The following CBLB variants were observed in gnomAD, a reference collection of about 807,000 sequenced individuals.
CBLB encodes E3 ubiquitin-protein ligase CBL-B.
CBLB carries 31 observed loss-of-function variants against 104.9 expected under a neutral mutation model. The observed-to-expected ratio is 0.30, with a 90% CI of 0.22 to 0.40. CBLB has a LOEUF of 0.40. Ranked by LOEUF, CBLB falls within the 10% of genes least tolerant of loss-of-function variation. The pLI, the probability that CBLB is intolerant of heterozygous loss-of-function variation, is 1.00. For synonymous variants in CBLB, 440 were observed against 422.6 expected (o/e 1.04, Z -0.51); for missense variants, 1,062 against 1,214.6 (o/e 0.87, Z 1.87).
At chr3:105,745,482 T>C (rs1229840893) in intron 6 of CBLB, among the ~76,000 whole-genome samples, 1 of 152,232 alleles carries the variant, frequency 6.6e-6, no homozygotes, top group African/African-American at 2.4e-5. Context: ...TGTACATACA[T>C]GTATTTGTTC....
intron 3 of CBLB, among the ~76,000 whole-genome samples, chr3:105,788,819 TA>T (rs533108949): frequency 8.7e-4 from 133 of 152,340 alleles, no homozygotes; most frequent in African/African-American, 3.0e-3. Context: ...GAAATGACGC[TA>T]CATAAATTTT....
intron 17 of CBLB, chr3:105,670,708 AAAAC>A (rs1311919429): frequency 2.5e-5 from 6 of 236,974 alleles, no homozygotes; most frequent in South Asian, 1.1e-4. Flanking sequence ...GTAAAAGCAA[AAAAC>A]AAACAAACAA....
chr3:105,807,032 T>G (rs2083597168), intron 3 of CBLB, among the ~76,000 whole-genome samples: 1 of 152,184 alleles, frequency 6.6e-6, no homozygotes, highest in South Asian at 2.1e-4. Flanking sequence ...TATCTAACTA[T>G]AGCAATAAGT....
chr3:105,841,020 A>G (rs1265172103), intron 3 of CBLB, among the ~76,000 whole-genome samples: 1 of 152,174 alleles, frequency 6.6e-6, no homozygotes, highest in South Asian at 2.1e-4. Context: ...TAGGCCAAGC[A>G]CAGTGGCTCA....
chr3:105,770,396 C>A (rs527928806), intron 4 of CBLB, among the ~76,000 whole-genome samples: 21 of 152,240 alleles, frequency 1.4e-4, no homozygotes, highest in African/African-American at 5.1e-4. Flanking sequence ...ATAGCTGGAA[C>A]AGATTTAGGG....
intron 3 of CBLB, among the ~76,000 whole-genome samples, chr3:105,852,104 T>C (rs1039382928): frequency 5.3e-5 from 8 of 152,318 alleles, no homozygotes; most frequent in African/African-American, 1.9e-4. Context: ...TTTTATAGGG[T>C]ATTCCTTCTA....
chr3:105,829,873 A>T (rs745590233), intron 3 of CBLB, among the ~76,000 whole-genome samples: 12 of 152,140 alleles, frequency 7.9e-5, no homozygotes, highest in Middle Eastern at 3.2e-3. Context: ...AGTGTAAATC[A>T]TCTATTACAT....
intron 17 of CBLB, among the ~76,000 whole-genome samples, chr3:105,677,039 G>C (rs1318495168): frequency 1.3e-5 from 2 of 152,078 alleles, no homozygotes; most frequent in African/African-American, 2.4e-5. Context: ...CCTAGTCTTG[G>C]GTAGTGCTTT....
chr3:105,851,280 G>C (rs1279444874), intron 3 of CBLB, among the ~76,000 whole-genome samples: 1 of 152,146 alleles, frequency 6.6e-6, no homozygotes, highest in Non-Finnish European at 1.5e-5. Context: ...AAGCCAATCT[G>C]AAAAAGTTAC....
intron 5 of CBLB, among the ~76,000 whole-genome samples, chr3:105,751,035 T>C (rs1441968230): frequency 6.6e-6 from 1 of 152,238 alleles, no homozygotes; most frequent in Non-Finnish European, 1.5e-5. Context: ...TTTCTAAGTT[T>C]ACTATTTCCC....
chr3:105,784,332 G>A (rs999432025), intron 3 of CBLB, among the ~76,000 whole-genome samples: 1 of 152,110 alleles, frequency 6.6e-6, no homozygotes, highest in African/African-American at 2.4e-5. Context: ...ATTGCTATGA[G>A]ATTCATACAG....
chr3:105,858,950 AATACATAAATATGTATTTAG>A (rs1336359244), intron 2 of CBLB, among the ~76,000 whole-genome samples: 1 of 152,184 alleles, frequency 6.6e-6, no homozygotes, highest in Admixed American at 6.5e-5. Context: ...TATGCATTCC[AATACATAAATATGTATTTAG>A]ATACATATAT....
chr3:105,710,036 T>C (rs1021532098), intron 10 of CBLB, among the ~76,000 whole-genome samples: 39 of 152,100 alleles, frequency 2.6e-4, no homozygotes, highest in African/African-American at 7.2e-4. Flanking sequence ...TTTGGGTCAC[T>C]AGCTTTTTAC....
chr3:105,828,975 T>C (rs2087004296), intron 3 of CBLB, among the ~76,000 whole-genome samples: 1 of 152,106 alleles, frequency 6.6e-6, no homozygotes, highest in South Asian at 2.1e-4. Flanking sequence ...CTATACCACA[T>C]TTCTAGACCA....
rs530460185 is a variant in CBLB at position 105,834,682 on chromosome 3, A to G, written c.419+18732T>C. On this transcript the variant is annotated intron_variant, in intron 3 of 18. Coordinates refer to ENST00000394030, the MANE Select transcript of CBLB (RefSeq NM_170662.5). Reference sequence around the variant, plus strand: ...AAAAAGAAAAGAAAATCAAGTAAGCAAGCAAGCATGACAGAAGTCAAAATC... The same window carrying G: ...AAAAAGAAAAGAAAATCAAGTAAGCGAGCAAGCATGACAGAAGTCAAAATC... Among the ~76,000 whole-genome samples, 6 of 150,520 alleles carry G rather than the reference A, an allele frequency of 4.0e-5. No homozygotes were observed. In the South Asian group the frequency reaches 1.1e-3, roughly 27 times the overall value.
Position 105,854,655 on chromosome 3 carries a change from C to G in CBLB, c.169-991G>C, listed in dbSNP as rs747303389. On this transcript the variant is annotated intron_variant, in intron 2 of 18. Transcript: ENST00000394030. ...ATTTTATTTTATTGTTTTTTTAAGA[C>G]GGAGTCTCATTCTGTCACCCAGGCT... 1.3e-4 allele frequency among the ~76,000 whole-genome samples: 20 copies of G among 149,746 alleles called. 1 individual carries two copies. Among genetic ancestry groups the G allele is most frequent in the Non-Finnish European group, 7.4e-5 (5 of 67,690 alleles).
intron 2 of CBLB, among the ~76,000 whole-genome samples, chr3:105,864,176 G>A (rs930164204): frequency 6.6e-6 from 1 of 152,156 alleles, no homozygotes; most frequent in Non-Finnish European, 1.5e-5. Context: ...TGTTCCCACT[G>A]TACTTGGGGT....
At chr3:105,846,223 C>G (rs548512067) in intron 3 of CBLB, among the ~76,000 whole-genome samples, 11 of 151,870 alleles carry the variant, frequency 7.2e-5, no homozygotes, top group Non-Finnish European at 1.3e-4. Context: ...CCTTTGTCCT[C>G]ATCAAATTCA....
At chr3:105,784,403 T>G (rs1228253758) in intron 3 of CBLB, among the ~76,000 whole-genome samples, 1 of 152,188 alleles carries the variant, frequency 6.6e-6, no homozygotes, top group Non-Finnish European at 1.5e-5. Context: ...AAAGAAACAT[T>G]AGAAATGTTG....
Sources: allele counts gnomAD v4.1 joint callset (sites outside exome capture counted in the v4.1 genomes callset), GRCh38; gene constraint gnomAD v4.1.1; transcripts MANE v1.5; gene names NCBI Gene and HGNC (gene_info 2026-07-23, HGNC 2026-07-21).